Variants in LEF1 observed in about 807,000 individuals in gnomAD.
The protein encoded by LEF1 is lymphoid enhancer binding factor 1, also known as lymphoid enhancer-binding factor 1.
Under a neutral mutation model 51.2 loss-of-function variants are expected in LEF1, and 14 were observed. That is an observed-to-expected ratio of 0.27 (90% CI 0.18 to 0.43). The LOEUF (loss-of-function observed/expected upper bound fraction) is 0.43. Among genes scored for constraint, LEF1 ranks in the 20% least tolerant of loss-of-function variants. The pLI is 1.00. For synonymous variants in LEF1, 185 were observed against 183.2 expected, an observed-to-expected ratio of 1.01 and a Z score of -0.08; for missense variants, 386 against 512.0, an observed-to-expected ratio of 0.75 and a Z score of 2.37.
intron 3 of LEF1, among the ~76,000 whole-genome samples, chr4:108,142,630 C>G (rs576553759): frequency 5.3e-5 from 8 of 152,308 alleles, no homozygotes; most frequent in African/African-American, 1.9e-4. Context: ...AGCAGGGCGA[C>G]CATAAATCAC....
intron 3 of LEF1, among the ~76,000 whole-genome samples, chr4:108,095,730 A>C (rs1740335531): frequency 6.6e-6 from 1 of 152,226 alleles, no homozygotes; most frequent in South Asian, 2.1e-4. Flanking sequence ...ACATTACGTC[A>C]TTTAATCCTA....
chr4:108,074,048 G>A (rs1738683561), intron 8 of LEF1, among the ~76,000 whole-genome samples: 2 of 152,008 alleles, frequency 1.3e-5, no homozygotes, highest in South Asian at 4.1e-4. Context: ...GAAGTTCTCT[G>A]ATATTTCTAA....
intron 3 of LEF1, among the ~76,000 whole-genome samples, chr4:108,114,721 C>G (rs1741729910): frequency 6.6e-6 from 1 of 152,216 alleles, no homozygotes; most frequent in African/African-American, 2.4e-5. Flanking sequence ...ACCTTGCCTT[C>G]TGGAAAAGGG....
At chr4:108,098,733 T>C (rs1486309661) in intron 3 of LEF1, among the ~76,000 whole-genome samples, 1 of 152,200 alleles carries the variant, frequency 6.6e-6, no homozygotes, top group Non-Finnish European at 1.5e-5. Flanking sequence ...AACATTTATG[T>C]CTACAGGGGT....
chr4:108,112,778 C>T (rs1741611210), intron 3 of LEF1, among the ~76,000 whole-genome samples: 1 of 152,220 alleles, frequency 6.6e-6, no homozygotes, highest in South Asian at 2.1e-4. Flanking sequence ...GGGATTAGTA[C>T]AAATAGTTTC....
At position 108,089,205 on chromosome 4, in the gene LEF1, G is replaced by C; in HGVS notation, c.467C>G (p.Pro156Arg). Reference sequence around the variant, plus strand: ...GTGCTCGTCACTGTAAGTGATGAGGGGGGTGAGAGGATGGACCGCATGGGA... The same window carrying C: ...GTGCTCGTCACTGTAAGTGATGAGGCGGGTGAGAGGATGGACCGCATGGGA... ...QPSHAVHPLT[P>R]LITYSDEHFS... Residue 156 changes from proline (P) to arginine (R), a missense_variant, in exon 4 of 12, where the codon CCC becomes CGC. Around this residue, in one of 2 missense-constraint regions of LEF1, gnomAD observed 335 missense variants for 390.7 expected, o/e 0.86. Transcript: ENST00000265165. 6.2e-7 allele frequency: 1 copy of C among 1,614,072 alleles called. No homozygotes were observed. Among genetic ancestry groups the C allele is most frequent in the South Asian group, 1.1e-5 (1 of 91,076 alleles).
intron 3 of LEF1, among the ~76,000 whole-genome samples, chr4:108,135,323 A>C (rs1743189947): frequency 6.6e-6 from 1 of 152,188 alleles, no homozygotes; most frequent in African/African-American, 2.4e-5. Context: ...AAAACAAAGA[A>C]TGTAACTAGG....
chr4:108,142,897 TC>T (rs1743762528), intron 3 of LEF1, among the ~76,000 whole-genome samples: 1 of 152,180 alleles, frequency 6.6e-6, no homozygotes, highest in Non-Finnish European at 1.5e-5. Flanking sequence ...TTTAACAAAG[TC>T]CCCTTTTCAC....
chr4:108,124,305 A>C (rs538086073), intron 3 of LEF1, among the ~76,000 whole-genome samples: 9 of 152,174 alleles, frequency 5.9e-5, no homozygotes, highest in African/African-American at 2.2e-4. Context: ...TACAGAATGC[A>C]CATTATATAT....
intron 3 of LEF1, among the ~76,000 whole-genome samples, chr4:108,133,241 C>T (rs896556576): frequency 2.6e-5 from 4 of 152,214 alleles, no homozygotes; most frequent in East Asian, 3.9e-4. Context: ...GCAACAAGTT[C>T]CCAGGTGATG....
chr4:108,115,664 C>T (rs1741788404), intron 3 of LEF1, among the ~76,000 whole-genome samples: 1 of 152,136 alleles, frequency 6.6e-6, no homozygotes, highest in South Asian at 2.1e-4. Context: ...CCTCTCTCTG[C>T]TTCTGGCATT....
intron 1 of LEF1, chr4:108,166,260 A>G (rs1276989157): frequency 1.3e-6 from 2 of 1,535,766 alleles, no homozygotes; most frequent in African/African-American, 1.4e-5. Flanking sequence ...GCCTTTCAAA[A>G]TTCGTACTCA....
rs2110434518 is a variant in LEF1, at chr4:108,168,148, G to T, written c.-381C>A. On this transcript the variant is annotated 5_prime_UTR_variant, in exon 1 of 12. Coordinates refer to ENST00000265165, the MANE Select transcript of LEF1 (RefSeq NM_016269.5). This position sits in a 1 kb window ranked among gnomAD's most constrained non-coding sequence, Gnocchi z 4.6. ...CGCGTCGCCGGGATTTGCGCGCGGA[G>T]AACGCCGGTTCTGGAGGGAGCACGC... The T allele has an allele frequency of 6.6e-6, 1 of 152,620 alleles. No homozygotes were observed. The highest frequency in any genetic ancestry group is 1.9e-4 in the East Asian group (1 of 5,172). The allele number at this position is 152,620 out of a possible 1,614,324, so 9.5% of individuals were successfully genotyped here. A position where few individuals can be genotyped will look rare whatever the true frequency, so the allele number is the denominator to read the frequency against.
At position 108,158,048 on chromosome 4, in the gene LEF1, C is replaced by A. The variant is rs191324235; in HGVS notation, c.414+5520G>T. Among the ~76,000 whole-genome samples, 580 of 152,240 alleles carry A rather than the reference C, an allele frequency of 3.8e-3. 3 individuals carry two copies. The highest frequency in any genetic ancestry group is 0.013 in the African/African-American group (553 of 41,528). On this transcript the variant is annotated intron_variant, in intron 3 of 11. Transcript: ENST00000265165. The stretch of plus-strand genomic sequence containing the variant: ...GTACAGATTAACTCCCAACTCCCCC[C>A]ACCTCCACCCCCAGTCTTTGTTGTT...
chr4:108,104,189 G>T (rs900252464), intron 3 of LEF1, among the ~76,000 whole-genome samples: 4 of 151,964 alleles, frequency 2.6e-5, no homozygotes, highest in African/African-American at 9.7e-5. Context: ...ATATGTATAT[G>T]AAATGTCCGG....
At chr4:108,166,468 T>C in intron 1 of LEF1, 1 of 1,386,684 alleles carries the variant, frequency 7.2e-7, no homozygotes, top group African/African-American at 1.5e-5. Flanking sequence ...GTCAGGACTT[T>C]TCTACCGGAT....
chr4:108,130,534 A>G (rs566648716), intron 3 of LEF1, among the ~76,000 whole-genome samples: 2 of 150,888 alleles, frequency 1.3e-5, no homozygotes, highest in African/African-American at 4.9e-5. Context: ...AGCCTAGTCA[A>G]TTGGTGAAAC....
intron 1 of LEF1, chr4:108,166,790 A>G: frequency 1.0e-6 from 1 of 986,060 alleles, no homozygotes; most frequent in Non-Finnish European, 1.2e-6. Context: ...CCCAAACCCC[A>G]AATAAAAGTT....
At chr4:108,068,410 G>C (rs1738228761) in intron 9 of LEF1, among the ~76,000 whole-genome samples, 1 of 152,136 alleles carries the variant, frequency 6.6e-6, no homozygotes, top group Admixed American at 6.5e-5. Context: ...CTACTACAAG[G>C]CCTTGCATAA....
Sources: gnomAD v4.1 joint callset for allele counts (sites outside exome capture counted in the v4.1 genomes callset) on GRCh38, gnomAD v4.1.1 for gene constraint, gnomAD v4.1.1 regional missense constraint, Gnocchi (gnomAD v3.1) non-coding constraint, MANE v1.5 for transcripts, NCBI Gene and HGNC (gene_info 2026-07-23, HGNC 2026-07-21) for gene names.